RGS7: variants seen among roughly 807,000 people sequenced by gnomAD.
The protein encoded by RGS7 is regulator of G-protein signaling 7.
Under a neutral mutation model 81.1 loss-of-function variants are expected in RGS7, and 27 were observed. The ratio of observed to expected loss-of-function variants is 0.33; its 90% CI spans 0.25 to 0.46. RGS7 has a LOEUF of 0.46. Ranked by LOEUF, RGS7 falls within the 20% of genes least tolerant of loss-of-function variation. The probability of loss-of-function intolerance (pLI) is 1.00; values close to 1 mark genes in which losing one functional copy is unlikely to be tolerated. For missense variants in RGS7, 396 were observed against 607.4 expected, an observed-to-expected ratio of 0.65 and a Z score of 3.66; for synonymous variants, 208 against 207.7, an observed-to-expected ratio of 1.00 and a Z score of -0.01.
chr1:240,867,082 T>C (rs1313756395), intron 9 of RGS7, among the ~76,000 whole-genome samples: 2 of 152,348 alleles, frequency 1.3e-5, no homozygotes, highest in Non-Finnish European at 2.9e-5. Context: ...ATAATCCTTT[T>C]TCTTCATGAA....
Position 241,073,646 on chromosome 1 carries a change from A to G in RGS7, c.175+25020T>C, listed in dbSNP as rs116968028. ...AATCTGCAAAATTTCAGTGGGAACA[A>G]GAGCATGCACCACCCAGGCTTATGT... On this transcript the variant is annotated intron_variant, in intron 3 of 18. Coordinates refer to ENST00000440928, the MANE Select transcript of RGS7 (RefSeq NM_001364886.1). Among the ~76,000 whole-genome samples the G allele has an allele frequency of 9.5e-3, 1,442 of 152,330 alleles. 14 individuals are homozygous for G. The highest frequency in any genetic ancestry group is 0.018 in the Admixed American group (278 of 15,300).
intron 2 of RGS7, among the ~76,000 whole-genome samples, chr1:241,201,772 G>A (rs1230286415): frequency 2.0e-5 from 3 of 152,022 alleles, no homozygotes; most frequent in African/African-American, 7.2e-5. Flanking sequence ...GAGAAACTTG[G>A]TCTAATTAAG....
rs754328089 is a variant in RGS7 at position 241,144,406 on chromosome 1, T to A, written c.79-45644A>T. ...TACTAGTCTCACAGTTTCACAGTGA[T>A]GTTGGGCCAAAAACCTGATCCATTA... On this transcript the variant is annotated intron_variant, in intron 2 of 18. Transcript: ENST00000440928. This position sits in a 1 kb window ranked among gnomAD's most constrained non-coding sequence, Gnocchi z 4.7. Among the ~76,000 whole-genome samples, 2 of 152,166 alleles carry A rather than the reference T, an allele frequency of 1.3e-5. No individual in the cohort carries two copies. Among genetic ancestry groups the A allele is most frequent in the East Asian group, 3.9e-4 (2 of 5,180 alleles).
intron 2 of RGS7, among the ~76,000 whole-genome samples, chr1:241,111,211 T>C (rs2065489701): frequency 6.6e-6 from 1 of 152,208 alleles, no homozygotes; most frequent in Non-Finnish European, 1.5e-5. Context: ...GGGTAATAAA[T>C]TCTGTATGTA....
chr1:240,901,827 C>T (rs1558439165), intron 6 of RGS7, among the ~76,000 whole-genome samples: 1 of 152,220 alleles, frequency 6.6e-6, no homozygotes, highest in African/African-American at 2.4e-5. Flanking sequence ...TCTCCCAGAC[C>T]TCTGCAGGCT....
At chr1:241,194,727 T>C (rs1410163003) in intron 2 of RGS7, among the ~76,000 whole-genome samples, 2 of 152,186 alleles carry the variant, frequency 1.3e-5, no homozygotes, top group African/African-American at 2.4e-5. Context: ...TTTGAAGTCA[T>C]CAGAGAGCCA....
intron 14 of RGS7, among the ~76,000 whole-genome samples, chr1:240,806,574 AT>A (rs1165597230): frequency 2.7e-5 from 4 of 149,234 alleles, no homozygotes; most frequent in African/African-American, 4.9e-5. Flanking sequence ...TAAATAAAAA[AT>A]ATTAATAAAA....
intron 6 of RGS7, among the ~76,000 whole-genome samples, chr1:240,896,515 T>C: frequency 6.6e-6 from 1 of 152,216 alleles, no homozygotes; most frequent in Admixed American, 6.5e-5. Context: ...TAGCCAGTTT[T>C]CCCAGCACCA....
chr1:240,935,457 C>G (rs771790999), intron 5 of RGS7, among the ~76,000 whole-genome samples: 1 of 152,000 alleles, frequency 6.6e-6, no homozygotes, highest in Non-Finnish European at 1.5e-5. Flanking sequence ...TAATGTAAAG[C>G]TTTTTTAAGT....
intron 2 of RGS7, among the ~76,000 whole-genome samples, chr1:241,112,364 A>T (rs1260018304): frequency 6.6e-6 from 1 of 152,168 alleles, no homozygotes; most frequent in Non-Finnish European, 1.5e-5. Flanking sequence ...CACCGTATAT[A>T]TGATAGTGCT....
At chr1:241,228,578 T>C (rs2075465851) in intron 2 of RGS7, among the ~76,000 whole-genome samples, 1 of 151,938 alleles carries the variant, frequency 6.6e-6, no homozygotes, top group Admixed American at 6.6e-5. Flanking sequence ...AATGCAGCAA[T>C]AAAATGATCA....
chr1:241,014,237 A>G (rs1247552021), intron 3 of RGS7, among the ~76,000 whole-genome samples: 1 of 152,210 alleles, frequency 6.6e-6, no homozygotes, highest in Non-Finnish European at 1.5e-5. Context: ...CTTGAAATGC[A>G]AAGACTAGAG....
chr1:241,315,233 TG>T (rs2080804420), intron 2 of RGS7, among the ~76,000 whole-genome samples: 1 of 142,936 alleles, frequency 7.0e-6, no homozygotes, highest in African/African-American at 2.6e-5. Context: ...AACCTAAGAA[TG>T]AAAAGGGAAG....
chr1:240,874,545 T>A (rs776311182), intron 6 of RGS7, among the ~76,000 whole-genome samples: 53 of 152,230 alleles, frequency 3.5e-4, no homozygotes, highest in Non-Finnish European at 2.2e-4. Context: ...AAAATAAATA[T>A]GTGCTTCACA....
chr1:241,176,984 A>G (rs1473903972), intron 2 of RGS7, among the ~76,000 whole-genome samples: 1 of 152,184 alleles, frequency 6.6e-6, no homozygotes, highest in Non-Finnish European at 1.5e-5. Context: ...TCCTAAGGCC[A>G]CGCATGGAGC....
intron 2 of RGS7, among the ~76,000 whole-genome samples, chr1:241,236,811 A>C (rs1274817815): frequency 6.8e-6 from 1 of 147,334 alleles, no homozygotes; most frequent in African/African-American, 2.5e-5. Context: ...TGGATCAAGG[A>C]CTCAACATAA....
chr1:241,245,997 G>T (rs1267984990), intron 2 of RGS7, among the ~76,000 whole-genome samples: 1 of 151,920 alleles, frequency 6.6e-6, no homozygotes, highest in East Asian at 1.9e-4. Flanking sequence ...CCAGCTACTC[G>T]GAAGGCTGAG....
At chr1:240,994,185 A>C (rs532034025) in intron 3 of RGS7, among the ~76,000 whole-genome samples, 32 of 152,266 alleles carry the variant, frequency 2.1e-4, no homozygotes, top group African/African-American at 7.2e-4. Context: ...TTTACCTATA[A>C]ATCTTAGAAT....
At chr1:241,033,528 T>C in intron 3 of RGS7, among the ~76,000 whole-genome samples, 1 of 152,220 alleles carries the variant, frequency 6.6e-6, no homozygotes. Flanking sequence ...ATAAAAATGA[T>C]ATTTTGAAAA....
Sources: gnomAD v4.1 joint callset for allele counts (sites outside exome capture counted in the v4.1 genomes callset) on GRCh38, gnomAD v4.1.1 for gene constraint, Gnocchi (gnomAD v3.1) non-coding constraint, MANE v1.5 for transcripts, NCBI Gene and HGNC (gene_info 2026-07-23, HGNC 2026-07-21) for gene names.